Variants in ZFR observed in about 807,000 individuals in gnomAD.
ZFR encodes zinc finger RNA binding protein.
Under a neutral mutation model 130.7 loss-of-function variants are expected in ZFR, and 19 were observed. The observed-to-expected ratio is 0.15, with a 90% CI of 0.10 to 0.21. The LOEUF (loss-of-function observed/expected upper bound fraction) is 0.21, where lower values mean the gene tolerates loss of function less well. Ranked by LOEUF, ZFR falls within the 10% of genes least tolerant of loss-of-function variation. The pLI is 1.00. For missense variants in ZFR, 872 were observed against 1,321.5 expected (o/e 0.66, Z 5.27); for synonymous variants, 466 against 456.9 (o/e 1.02, Z -0.25).
At chr5:32,425,782 T>C (rs772578780) in intron 2 of ZFR, among the ~76,000 whole-genome samples, 53 of 152,216 alleles carry the variant, frequency 3.5e-4, no homozygotes, top group Admixed American at 8.5e-4. Context: ...CGCCTTGGCC[T>C]CCCAAAGTGC....
chr5:32,402,857 T>G (rs1753490434), intron 8 of ZFR, among the ~76,000 whole-genome samples: 1 of 151,448 alleles, frequency 6.6e-6, no homozygotes, highest in Non-Finnish European at 1.5e-5. Context: ...TCTTTGTGTG[T>G]GCAGATCTTT....
chr5:32,437,088 C>G (rs1754355094), intron 2 of ZFR, among the ~76,000 whole-genome samples: 1 of 152,170 alleles, frequency 6.6e-6, no homozygotes, highest in African/African-American at 2.4e-5. Context: ...TCATGCAATC[C>G]AGATATTTGT....
chr5:32,375,888 G>A (rs1181204310), intron 17 of ZFR, among the ~76,000 whole-genome samples: 2 of 150,128 alleles, frequency 1.3e-5, no homozygotes, highest in African/African-American at 4.9e-5. Flanking sequence ...ATGTCGCCCA[G>A]GCTGGAGTAC....
chr5:32,385,114 T>C (rs1289542755), intron 15 of ZFR, among the ~76,000 whole-genome samples: 3 of 152,114 alleles, frequency 2.0e-5, no homozygotes, highest in African/African-American at 7.2e-5. Context: ...CTTGTCTTTT[T>C]TGTAAGACAA....
rs569925956 is a variant in ZFR at position 32,419,940 on chromosome 5, C to T, written c.301G>A (p.Ala101Thr). The change falls in exon 3 of 20, where the codon GCA becomes ACA. Residue 101 changes from alanine (A) to threonine (T), a missense_variant. Transcript: ENST00000265069. ...TAGCCTCCATAAGCAGCAGCTGTTG[C>T]AGCAGCTGCAACAGCTACTGGAGCA... ...RPAPVAVAAAATAAAYGGYPT... is the reference protein window; with the variant it reads ...RPAPVAVAAATTAAAYGGYPT... The T allele has an allele frequency of 6.2e-7, 1 of 1,613,938 alleles. No homozygotes were observed. The highest frequency in any genetic ancestry group is 1.3e-5 in the African/African-American group (1 of 74,974).
intron 12 of ZFR, among the ~76,000 whole-genome samples, chr5:32,389,574 C>T (rs368292570): frequency 4.6e-5 from 7 of 152,196 alleles, no homozygotes; most frequent in African/African-American, 1.7e-4. Flanking sequence ...ACCGGCTACT[C>T]GGGAAGCTGA....
At chr5:32,370,799 T>C (rs1200515814) in intron 17 of ZFR, among the ~76,000 whole-genome samples, 1 of 152,230 alleles carries the variant, frequency 6.6e-6, no homozygotes, top group Non-Finnish European at 1.5e-5. Flanking sequence ...ACTCTACCTA[T>C]ATTTTATTTC....
chr5:32,438,058 C>T (rs73075534), intron 2 of ZFR, among the ~76,000 whole-genome samples: 1 of 151,998 alleles, frequency 6.6e-6, no homozygotes, highest in Non-Finnish European at 1.5e-5. Context: ...CACTCATGAA[C>T]ACAGTCCATC....
At chr5:32,415,503 TGTGTGTGTGTGTGCGC>T (rs757203945) in intron 4 of ZFR, among the ~76,000 whole-genome samples, 5,291 of 115,664 alleles carry the variant, frequency 0.046, 109 homozygotes, top group Middle Eastern at 0.075. Flanking sequence ...TGTGTGTGTG[TGTGTGTGTGTGTGCGC>T]GCGCGCGCGC....
At chr5:32,424,945 A>G (rs906340522) in intron 2 of ZFR, among the ~76,000 whole-genome samples, 1 of 151,932 alleles carries the variant, frequency 6.6e-6, no homozygotes, top group Non-Finnish European at 1.5e-5. Context: ...GAGTTTCAAG[A>G]ATTTTTAAAA....
intron 15 of ZFR, among the ~76,000 whole-genome samples, chr5:32,382,332 C>G (rs1243124674): frequency 6.6e-6 from 1 of 151,982 alleles, no homozygotes; most frequent in Non-Finnish European, 1.5e-5. Context: ...CAAAACCAAA[C>G]CCCTCACACA....
intron 6 of ZFR, 98 bp from the exon 7 acceptor site, chr5:32,404,195 G>A (rs868581324): frequency 3.5e-6 from 4 of 1,128,738 alleles, no homozygotes; most frequent in Non-Finnish European, 5.0e-6. Context: ...ATCTAAAAAT[G>A]AGACCAAAAC....
intron 7 of ZFR, 49 bp from the exon 8 acceptor site, chr5:32,403,446 G>C: frequency 6.4e-7 from 1 of 1,573,332 alleles, no homozygotes; most frequent in Non-Finnish European, 8.6e-7. Context: ...AATAGATTTT[G>C]AAAAGTCTGC....
At chr5:32,433,073 T>C (rs1299318846) in intron 2 of ZFR, among the ~76,000 whole-genome samples, 1 of 152,100 alleles carries the variant, frequency 6.6e-6, no homozygotes, top group African/African-American at 2.4e-5. Context: ...CAGCTTATCC[T>C]ACAATTCCTA....
chr5:32,413,983 T>C (rs1753768395), intron 5 of ZFR, among the ~76,000 whole-genome samples: 1 of 152,150 alleles, frequency 6.6e-6, no homozygotes, highest in African/African-American at 2.4e-5. Flanking sequence ...CTCATTCAAT[T>C]CATTTCCACC....
intron 2 of ZFR, among the ~76,000 whole-genome samples, chr5:32,435,980 C>T (rs1754322902): frequency 6.6e-6 from 1 of 152,058 alleles, no homozygotes; most frequent in Non-Finnish European, 1.5e-5. Context: ...ACACCAGTAA[C>T]TTGATAACTG....
chr5:32,370,659 G>A (rs922479882), intron 17 of ZFR, among the ~76,000 whole-genome samples: 4 of 152,148 alleles, frequency 2.6e-5, no homozygotes, highest in African/African-American at 9.7e-5. Context: ...TTACAGGTAG[G>A]AGCCATTGTG....
chr5:32,432,447 T>C (rs1056017835), intron 2 of ZFR, among the ~76,000 whole-genome samples: 2 of 152,188 alleles, frequency 1.3e-5, no homozygotes, highest in African/African-American at 4.8e-5. Context: ...GCCATTTGTA[T>C]GTCATTTTTG....
rs3065266 is a variant in ZFR at position 32,410,283 on chromosome 5, C to CAAAA, written c.785-3266_785-3263dup. Among the ~76,000 whole-genome samples the CAAAA allele has an allele frequency of 9.6e-4, 109 of 113,128 alleles. 5 individuals are homozygous for CAAAA. Among genetic ancestry groups the CAAAA allele is most frequent in the African/African-American group, 1.8e-3 (55 of 30,082 alleles). The allele number at this position is 113,128 out of a possible 152,430, so 74.2% of individuals were successfully genotyped here. The stretch of plus-strand genomic sequence containing the variant: ...GGGTGACACAGCAAGACACTGTCTC[C>CAAAA]AAAAAAAAAAAAAAAAAAAAAAAAA... On this transcript the variant is annotated intron_variant, in intron 5 of 19. Coordinates refer to ENST00000265069, the MANE Select transcript of ZFR (RefSeq NM_016107.5).
Sources: gnomAD v4.1 joint callset for allele counts (sites outside exome capture counted in the v4.1 genomes callset) on GRCh38, gnomAD v4.1.1 for gene constraint, MANE v1.5 for transcripts, NCBI Gene and HGNC (gene_info 2026-07-23, HGNC 2026-07-21) for gene names.